Variants in CEP290 observed in about 807,000 individuals in gnomAD.
The protein encoded by CEP290 is centrosomal protein 290.
CEP290 carries 317 observed loss-of-function variants against 344.9 expected under a neutral mutation model. The observed-to-expected ratio is 0.92, with a 90% CI of 0.84 to 1.01. CEP290 has a LOEUF of 1.01. CEP290 is among the 50% of genes least tolerant of loss of function. The pLI, the probability that CEP290 is intolerant of heterozygous loss-of-function variation, is 0.00. For synonymous variants in CEP290, 932 were observed against 895.8 expected (o/e 1.04, Z -0.72); for missense variants, 2,754 against 2,761.4 (o/e 1.00, Z 0.06).
chr12:88,111,088 A>G, intron 22 of CEP290, 114 bp downstream of exon 22: 1 of 576,974 alleles, frequency 1.7e-6, no homozygotes, highest in Non-Finnish European at 2.7e-6. Flanking sequence ...TGCTTTGGTG[A>G]TGGAAAAATT....
chr12:88,081,511 A>C (rs2036198662), intron 37 of CEP290, among the ~76,000 whole-genome samples: 2 of 152,206 alleles, frequency 1.3e-5, no homozygotes, highest in South Asian at 4.1e-4. Context: ...GATTCTGACC[A>C]ATAAGAGGGA....
At chr12:88,119,503 A>G (rs2039271625) in intron 15 of CEP290, among the ~76,000 whole-genome samples, 1 of 152,184 alleles carries the variant, frequency 6.6e-6, no homozygotes, top group African/African-American at 2.4e-5. Context: ...AAAAATCTTT[A>G]AAAGATTTTA....
chr12:88,099,838 G>T (rs551260284), intron 26 of CEP290, among the ~76,000 whole-genome samples: 2 of 151,794 alleles, frequency 1.3e-5, no homozygotes, highest in South Asian at 4.2e-4. Flanking sequence ...TAATCCTATT[G>T]TTTGTTACAA....
At chr12:88,083,702 G>A (rs929754511) in intron 36 of CEP290, 145 bp downstream of exon 36, 57 of 625,214 alleles carry the variant, frequency 9.1e-5, no homozygotes, top group Admixed American at 2.0e-4. Context: ...AGCTACAGGA[G>A]GAAGAATGAT....
intron 7 of CEP290, 97 bp from the exon 8 acceptor site, chr12:88,130,662 G>A (rs1224523797): frequency 7.2e-5 from 67 of 936,468 alleles, no homozygotes; most frequent in South Asian, 2.6e-4. Flanking sequence ...AAAAATTTTG[G>A]GAAAATGATG....
chr12:88,054,715 G>C (rs2033859704), intron 50 of CEP290, among the ~76,000 whole-genome samples: 1 of 152,112 alleles, frequency 6.6e-6, no homozygotes. Context: ...ATGTAATATA[G>C]TGCCAGATGG....
intron 14 of CEP290, 52 bp downstream of exon 14, chr12:88,120,945 G>A: frequency 6.7e-7 from 1 of 1,496,540 alleles, no homozygotes; most frequent in Non-Finnish European, 9.1e-7. Flanking sequence ...AATAGTCTGT[G>A]AATGGCAAGA....
intron 13 of CEP290, among the ~76,000 whole-genome samples, chr12:88,123,596 A>T (rs1348844752): frequency 2.0e-5 from 3 of 151,900 alleles, no homozygotes; most frequent in Non-Finnish European, 2.9e-5. Context: ...CTCCTTTGGT[A>T]GCTCCTTTTT....
At chr12:88,087,066 G>C (rs754114053) in intron 32 of CEP290, among the ~76,000 whole-genome samples, 1 of 152,118 alleles carries the variant, frequency 6.6e-6, no homozygotes, top group Non-Finnish European at 1.5e-5. Context: ...AATACCAAAG[G>C]TATCTAGGGT....
At chr12:88,084,297 C>A (rs2036410064) in intron 35 of CEP290, among the ~76,000 whole-genome samples, 1 of 142,822 alleles carries the variant, frequency 7.0e-6, no homozygotes, top group African/African-American at 2.5e-5. Flanking sequence ...TTTCATTCCA[C>A]CCTATTGCCT....
chr12:88,111,944 C>A, intron 20 of CEP290, 86 bp from the exon 21 acceptor site: 1 of 916,630 alleles, frequency 1.1e-6, no homozygotes, highest in Non-Finnish European at 1.5e-6. Context: ...ATAAAATGGA[C>A]ATTTAAGCAT....
At chr12:88,074,333 G>A (rs529811064) in intron 41 of CEP290, among the ~76,000 whole-genome samples, 2 of 152,136 alleles carry the variant, frequency 1.3e-5, no homozygotes, top group African/African-American at 4.8e-5. Flanking sequence ...AATACTAGTG[G>A]GGGACATAAG....
At chr12:88,135,272 T>G (rs1460779189) in intron 6 of CEP290, among the ~76,000 whole-genome samples, 2 of 152,142 alleles carry the variant, frequency 1.3e-5, no homozygotes, top group African/African-American at 4.8e-5. Context: ...GGCCATATAT[T>G]CAAGTTTTCT....
Position 88,131,464 on chromosome 12 carries a change from T to C in CEP290, c.442-246A>G, listed in dbSNP as rs185310501. 1.2e-4 allele frequency among the ~76,000 whole-genome samples: 18 copies of C among 152,196 alleles called. No individual in the cohort carries two copies. The East Asian group carries it at 3.3e-3, about 28-fold the overall frequency. On this transcript the variant is annotated intron_variant, in intron 6 of 53. Coordinates refer to ENST00000552810, the MANE Select transcript of CEP290 (RefSeq NM_025114.4). ...TTTTAGTAGAGACGGGGTTTCACTG[T>C]GTTAGCCAGGCTGGTCTTGAACTCC...
chr12:88,084,536 G>C, intron 35 of CEP290, 50 bp downstream of exon 35: 1 of 1,356,880 alleles, frequency 7.4e-7, no homozygotes, highest in Non-Finnish European at 1.0e-6. Flanking sequence ...TTTAGCATTT[G>C]CTTAAAAAAA....
At chr12:88,134,172 G>A (rs1014903967) in intron 6 of CEP290, among the ~76,000 whole-genome samples, 1 of 152,068 alleles carries the variant, frequency 6.6e-6, no homozygotes, top group South Asian at 2.1e-4. Flanking sequence ...ATAATCTCAA[G>A]CTTTCCAAAT....
At chr12:88,080,452 C>A in intron 37 of CEP290, 57 bp from the exon 38 acceptor site, 1 of 1,282,718 alleles carries the variant, frequency 7.8e-7, no homozygotes, top group Non-Finnish European at 1.1e-6. Flanking sequence ...TTTTTTGAGA[C>A]CCAGTCTCAC....
At chr12:88,107,692 G>A (rs2038387465) in intron 23 of CEP290, among the ~76,000 whole-genome samples, 1 of 151,742 alleles carries the variant, frequency 6.6e-6, no homozygotes, top group African/African-American at 2.4e-5. Context: ...CTTGAGGCTA[G>A]GAATTTTGAG....
intron 50 of CEP290, among the ~76,000 whole-genome samples, chr12:88,055,367 T>G (rs1213237834): frequency 6.6e-6 from 1 of 152,116 alleles, no homozygotes; most frequent in East Asian, 1.9e-4. Context: ...AGAGCTGACA[T>G]GATTTAATGA....
Sources: allele counts gnomAD v4.1 joint callset (sites outside exome capture counted in the v4.1 genomes callset), GRCh38; gene constraint gnomAD v4.1.1; transcripts MANE v1.5; gene names NCBI Gene and HGNC (gene_info 2026-07-23, HGNC 2026-07-21).